Variants in NRXN1 observed in about 807,000 individuals in gnomAD.
NRXN1 encodes neurexin-1.
Under a neutral mutation model 150.9 loss-of-function variants are expected in NRXN1, and 39 were observed. The ratio of observed to expected loss-of-function variants is 0.26; its 90% CI spans 0.20 to 0.34. The LOEUF is 0.34. NRXN1 is among the 10% of genes least tolerant of loss of function. The pLI is 1.00. For synonymous variants in NRXN1, 924 were observed against 757.0 expected (o/e 1.22, Z -3.62); for missense variants, 1,815 against 1,949.9 (o/e 0.93, Z 1.30).
intron 5 of NRXN1, among the ~76,000 whole-genome samples, chr2:50,906,598 T>C (rs1683709037): frequency 6.6e-6 from 1 of 152,122 alleles, no homozygotes; most frequent in Non-Finnish European, 1.5e-5. Flanking sequence ...AGAATAATCT[T>C]TTGAAACAAC....
At chr2:50,294,793 C>T (rs2073367507) in intron 17 of NRXN1, among the ~76,000 whole-genome samples, 1 of 152,142 alleles carries the variant, frequency 6.6e-6, no homozygotes, top group Admixed American at 6.6e-5. Flanking sequence ...TCACTGAAGA[C>T]ACAGGAATAA....
chr2:50,146,849 G>C (rs10490238), intron 18 of NRXN1, among the ~76,000 whole-genome samples: 3,792 of 151,512 alleles, frequency 0.025, 154 homozygotes, highest in African/African-American at 0.087. Context: ...GTCATACTTA[G>C]GTCAGTCTTC....
intron 5 of NRXN1, among the ~76,000 whole-genome samples, chr2:50,683,646 A>AATATATATATATATATATATATATATAT (rs71225142): frequency 2.7e-4 from 4 of 14,860 alleles, no homozygotes; most frequent in Admixed American, 1.1e-3. Context: ...AAAAAAAAAA[A>AATATATATATATATATATATATATATAT]ATATATATAT....
chr2:50,442,307 T>C (rs143380948), intron 17 of NRXN1, among the ~76,000 whole-genome samples: 5 of 152,228 alleles, frequency 3.3e-5, no homozygotes, highest in South Asian at 2.1e-4. Context: ...AAGGTCTATA[T>C]ATATGAAATA....
chr2:50,777,618 G>A (rs1216010297), intron 5 of NRXN1, among the ~76,000 whole-genome samples: 1 of 152,132 alleles, frequency 6.6e-6, no homozygotes, highest in East Asian at 1.9e-4. Flanking sequence ...CTGGCATTAA[G>A]TAATACCAGG....
At chr2:50,994,654 A>G (rs992444413) in intron 2 of NRXN1, among the ~76,000 whole-genome samples, 2 of 152,072 alleles carry the variant, frequency 1.3e-5, no homozygotes, top group Non-Finnish European at 2.9e-5. Flanking sequence ...GTTCTGTGTA[A>G]TGCATCCAGA....
At chr2:50,331,190 T>C (rs2076814609) in intron 17 of NRXN1, among the ~76,000 whole-genome samples, 1 of 152,088 alleles carries the variant, frequency 6.6e-6, no homozygotes, top group Non-Finnish European at 1.5e-5. Context: ...AAATTTGATA[T>C]GATAAAATAT....
chr2:49,933,818 T>C (rs527546353), intron 22 of NRXN1, among the ~76,000 whole-genome samples: 1 of 152,274 alleles, frequency 6.6e-6, no homozygotes, highest in South Asian at 2.1e-4. Context: ...AATTATACAG[T>C]TTTGCAATAT....
chr2:50,415,956 A>C (rs1168725083), intron 17 of NRXN1, among the ~76,000 whole-genome samples: 2 of 70,252 alleles, frequency 2.8e-5, no homozygotes, highest in Non-Finnish European at 4.4e-5. Flanking sequence ...AACAACATAC[A>C]AAAAAAAAAA....
At chr2:50,001,299 T>C (rs564825153) in intron 21 of NRXN1, among the ~76,000 whole-genome samples, 9 of 152,142 alleles carry the variant, frequency 5.9e-5, no homozygotes, top group Non-Finnish European at 1.3e-4. Context: ...GCTCAATAAA[T>C]AGTATTTATA....
chr2:50,655,841 T>C lies in NRXN1; in HGVS notation c.833-32226A>G, dbSNP rs150335217. Among the ~76,000 whole-genome samples, 366 of 151,998 alleles carry C rather than the reference T, an allele frequency of 2.4e-3. 1 individual carries two copies. The highest frequency in any genetic ancestry group is 8.7e-3 in the African/African-American group (360 of 41,494). On this transcript the variant is annotated intron_variant, in intron 5 of 22. Transcript: ENST00000401669. The stretch of plus-strand genomic sequence containing the variant: ...TATTCTAGATCTATACAAAGAAAAA[T>C]ACTCAAAGAGATGCAGGAAAATAAA...
intron 5 of NRXN1, among the ~76,000 whole-genome samples, chr2:50,821,876 C>T (rs1669790032): frequency 6.6e-6 from 1 of 152,100 alleles, no homozygotes; most frequent in African/African-American, 2.4e-5. Context: ...ACAAAGGTCT[C>T]AGAGACTCCA....
At chr2:50,139,438 A>C (rs944134627) in intron 18 of NRXN1, among the ~76,000 whole-genome samples, 1 of 152,108 alleles carries the variant, frequency 6.6e-6, no homozygotes, top group Non-Finnish European at 1.5e-5. Context: ...AATATTCACT[A>C]GTTTCTTGCA....
chr2:50,009,903 A>C (rs1685377133), intron 21 of NRXN1, among the ~76,000 whole-genome samples: 1 of 152,144 alleles, frequency 6.6e-6, no homozygotes, highest in Non-Finnish European at 1.5e-5. Flanking sequence ...TTATTCTTGA[A>C]ATCACTGTTC....
chr2:50,019,641 C>CAAAAAAAAAAA lies in NRXN1; in HGVS notation c.4128+33619_4128+33629dup, dbSNP rs764073226. Among the ~76,000 whole-genome samples, 13 of 25,552 alleles carry CAAAAAAAAAAA rather than the reference C, an allele frequency of 5.1e-4. 1 individual carries two copies. The East Asian group carries it at 5.2e-3, about 10-fold the overall frequency. 16.8% of individuals were successfully genotyped at this position (25,552 alleles called of 152,430 possible). On this transcript the variant is annotated intron_variant, in intron 21 of 22. Transcript: ENST00000401669. ...TGTAAGAAGGAGCAAGATTCCGTCT[C>CAAAAAAAAAAA]AAAAAAAAAAAAAAAAAAAAGGAGG... is the stretch of plus-strand genomic sequence containing the variant.
chr2:50,024,556 G>A (rs1357113027), intron 21 of NRXN1, among the ~76,000 whole-genome samples: 3 of 152,018 alleles, frequency 2.0e-5, no homozygotes, highest in Admixed American at 6.6e-5. Context: ...AAGAATTAAA[G>A]TTTGAGTGCA....
intron 5 of NRXN1, among the ~76,000 whole-genome samples, chr2:50,783,908 G>A (rs993833013): frequency 2.6e-5 from 4 of 151,994 alleles, no homozygotes; most frequent in Non-Finnish European, 5.9e-5. Flanking sequence ...CTGACCCTGC[G>A]CTTATACTTT....
At chr2:50,139,395 C>T (rs541624858) in intron 18 of NRXN1, among the ~76,000 whole-genome samples, 10 of 150,946 alleles carry the variant, frequency 6.6e-5, no homozygotes, top group South Asian at 2.1e-4. Context: ...TATTCCATCA[C>T]GTAGGATGAT....
rs151025854 is a variant in NRXN1, at chr2:50,723,943, A to G, written c.833-100328T>C. ...GCTTGTTAATTCAACACTAAAGCAA[A>G]AAGATGACAGGAATACAAGTTCTTG... On this transcript the variant is annotated intron_variant, in intron 5 of 22. Coordinates refer to ENST00000401669, the MANE Select transcript of NRXN1 (RefSeq NM_001330078.2). 8.7e-4 allele frequency among the ~76,000 whole-genome samples: 132 copies of G among 152,318 alleles called. 1 individual carries two copies. In the East Asian group the frequency reaches 0.02, roughly 23 times the overall value.
Sources: gnomAD v4.1 joint callset for allele counts (sites outside exome capture counted in the v4.1 genomes callset) on GRCh38, gnomAD v4.1.1 for gene constraint, MANE v1.5 for transcripts, NCBI Gene and HGNC (gene_info 2026-07-23, HGNC 2026-07-21) for gene names.